Variants in ULK4 observed in about 807,000 individuals in gnomAD.
ULK4 encodes the protein unc-51 like kinase 4.
Under a neutral mutation model 160.6 loss-of-function variants are expected in ULK4, and 133 were observed. The observed-to-expected ratio is 0.83, with a 90% CI of 0.72 to 0.96. ULK4 has a LOEUF of 0.96. Ranked by LOEUF, ULK4 falls within the 40% of genes least tolerant of loss-of-function variation. ULK4 has a pLI of 0.00. For synonymous variants in ULK4, 534 were observed against 539.8 expected (o/e 0.99, Z 0.15); for missense variants, 1,580 against 1,499.5 (o/e 1.05, Z -0.89).
chr3:41,811,564 T>TAG (rs1323977283), intron 19 of ULK4, among the ~76,000 whole-genome samples: 1 of 152,250 alleles, frequency 6.6e-6, no homozygotes, highest in Admixed American at 6.5e-5. Flanking sequence ...ATTTTATTGA[T>TAG]ACGTAGATCT....
At chr3:41,801,532 TA>T (rs113457882) in intron 19 of ULK4, among the ~76,000 whole-genome samples, 380 of 142,438 alleles carry the variant, frequency 2.7e-3, no homozygotes, top group Middle Eastern at 3.5e-3. Flanking sequence ...CAGACTGCTT[TA>T]AAAAAAAAAA....
intron 34 of ULK4, among the ~76,000 whole-genome samples, chr3:41,419,429 T>C (rs1033410777): frequency 1.3e-5 from 2 of 152,124 alleles, no homozygotes; most frequent in African/African-American, 2.4e-5. Flanking sequence ...ATTTAGGCAG[T>C]AGATTTACAA....
At chr3:41,250,084 C>T (rs2078717504) in intron 35 of ULK4, among the ~76,000 whole-genome samples, 1 of 152,114 alleles carries the variant, frequency 6.6e-6, no homozygotes, top group African/African-American at 2.4e-5. Context: ...ATGCTAATCG[C>T]CACAGTCCTA....
At chr3:41,924,902 G>A (rs1699322688) in intron 5 of ULK4, among the ~76,000 whole-genome samples, 1 of 152,106 alleles carries the variant, frequency 6.6e-6, no homozygotes, top group Admixed American at 6.6e-5. Flanking sequence ...AAACTCAGCT[G>A]ACAGCATGAT....
intron 17 of ULK4, among the ~76,000 whole-genome samples, chr3:41,859,972 A>G (rs1017961173): frequency 2.6e-5 from 4 of 151,556 alleles, no homozygotes; most frequent in Non-Finnish European, 5.9e-5. Flanking sequence ...CTGGCCCCCA[A>G]ATTCCTTCTT....
intron 35 of ULK4, among the ~76,000 whole-genome samples, chr3:41,369,586 A>C (rs2081320880): frequency 6.6e-6 from 1 of 151,996 alleles, no homozygotes; most frequent in South Asian, 2.1e-4. Context: ...TGAGGTCAGG[A>C]GATCGAGACC....
At chr3:41,903,747 A>G (rs1415072064) in intron 12 of ULK4, among the ~76,000 whole-genome samples, 8 of 152,242 alleles carry the variant, frequency 5.3e-5, no homozygotes, top group Non-Finnish European at 8.8e-5. Flanking sequence ...GTTCAGGAAT[A>G]AACTAAATGA....
chr3:41,865,441 T>G (rs2042594867), intron 17 of ULK4, among the ~76,000 whole-genome samples: 1 of 152,142 alleles, frequency 6.6e-6, no homozygotes, highest in Non-Finnish European at 1.5e-5. Flanking sequence ...GAAATGTCTA[T>G]TTTCAACTTA....
intron 22 of ULK4, among the ~76,000 whole-genome samples, chr3:41,735,938 G>T (rs1253387718): frequency 6.8e-6 from 1 of 146,370 alleles, no homozygotes; most frequent in African/African-American, 2.5e-5. Context: ...GAGAATATGC[G>T]GTGTTTGGTT....
intron 12 of ULK4, among the ~76,000 whole-genome samples, chr3:41,902,740 G>A (rs903795174): frequency 2.0e-5 from 3 of 151,972 alleles, no homozygotes; most frequent in Non-Finnish European, 4.4e-5. Flanking sequence ...CCAAAAAAAA[G>A]ATGGACTTTA....
intron 30 of ULK4, among the ~76,000 whole-genome samples, chr3:41,641,334 C>T (rs1265531734): frequency 6.6e-6 from 1 of 152,098 alleles, no homozygotes; most frequent in African/African-American, 2.4e-5. Context: ...TTAGTAGGGG[C>T]TAAGTTGTCG....
intron 35 of ULK4, among the ~76,000 whole-genome samples, chr3:41,375,393 C>T (rs2081465575): frequency 6.7e-6 from 1 of 150,358 alleles, no homozygotes; most frequent in Non-Finnish European, 1.5e-5. Context: ...CACAAGGCTA[C>T]AGAACCCAAA....
chr3:41,866,694 G>A lies in ULK4; in HGVS notation c.1656+17180C>T, dbSNP rs908617873. Among the ~76,000 whole-genome samples the A allele has an allele frequency of 5.9e-5, 9 of 152,134 alleles. No individual in the cohort carries two copies. The South Asian group carries it at 6.2e-4, about 11-fold the overall frequency. On this transcript the variant is annotated intron_variant, in intron 17 of 36. Transcript: ENST00000301831. ...TATTAATGTATCTACTATAATATGC[G>A]CTTGTGTATGTGTGATTCACAGCAT...
At chr3:41,529,999 G>A (rs2086247403) in intron 32 of ULK4, among the ~76,000 whole-genome samples, 1 of 152,116 alleles carries the variant, frequency 6.6e-6, no homozygotes, top group African/African-American at 2.4e-5. Flanking sequence ...TGCTAAGGGG[G>A]TACATGGGAT....
chr3:41,286,217 G>T (rs921057140), intron 35 of ULK4, among the ~76,000 whole-genome samples: 2 of 152,076 alleles, frequency 1.3e-5, no homozygotes, highest in Admixed American at 6.5e-5. Flanking sequence ...AGTTTATGAA[G>T]GTCTTTCATA....
chr3:41,847,014 A>G (rs2125669475), intron 17 of ULK4, among the ~76,000 whole-genome samples: 1 of 152,290 alleles, frequency 6.6e-6, no homozygotes, highest in South Asian at 2.1e-4. Flanking sequence ...TTGGGCAACC[A>G]CAGGCATGAC....
chr3:41,470,593 A>G (rs2083965793), intron 32 of ULK4, among the ~76,000 whole-genome samples: 1 of 152,206 alleles, frequency 6.6e-6, no homozygotes, highest in Non-Finnish European at 1.5e-5. Flanking sequence ...TGCGGCATGT[A>G]AAGTGGTTTT....
intron 34 of ULK4, among the ~76,000 whole-genome samples, chr3:41,450,546 A>G (rs890726993): frequency 3.3e-5 from 5 of 152,208 alleles, no homozygotes; most frequent in African/African-American, 1.2e-4. Flanking sequence ...ATATCTGGAA[A>G]AAACCTCAAA....
At chr3:41,762,971 C>T (rs1357621903) in intron 21 of ULK4, among the ~76,000 whole-genome samples, 3 of 151,978 alleles carry the variant, frequency 2.0e-5, no homozygotes, top group Non-Finnish European at 4.4e-5. Context: ...CCAGAAGTGC[C>T]GCACTTTAAA....
Sources: allele counts gnomAD v4.1 joint callset (sites outside exome capture counted in the v4.1 genomes callset), GRCh38; gene constraint gnomAD v4.1.1; transcripts MANE v1.5; gene names NCBI Gene and HGNC (gene_info 2026-07-23, HGNC 2026-07-21).